Variants in ZNF654 observed in about 807,000 individuals in gnomAD.
ZNF654 encodes zinc finger protein 654.
A neutral mutation model predicts 95.3 loss-of-function variants in ZNF654; 19 were observed. The observed-to-expected ratio is 0.20, with a 90% confidence interval of 0.14 to 0.29. The LOEUF (loss-of-function observed/expected upper bound fraction) is 0.29. Among genes scored for constraint, ZNF654 ranks in the 10% least tolerant of loss-of-function variants. The pLI is 1.00. For missense variants in ZNF654, 1,046 were observed against 1,341.0 expected, an observed-to-expected ratio of 0.78 and a Z score of 3.44; for synonymous variants, 413 against 457.9, an observed-to-expected ratio of 0.90 and a Z score of 1.25.
chr3:88,093,733 TCTCTA>T (rs2107687059), intron 2 of ZNF654, among the ~76,000 whole-genome samples: 1 of 152,338 alleles, frequency 6.6e-6, no homozygotes, highest in East Asian at 1.9e-4. Flanking sequence ...CTAACTTCAG[TCTCTA>T]CTCTATAATC....
intron 2 of ZNF654, among the ~76,000 whole-genome samples, chr3:88,104,449 C>T (rs536435718): frequency 8.5e-5 from 13 of 152,216 alleles, no homozygotes; most frequent in East Asian, 7.7e-4. Context: ...TAATGGATAG[C>T]GTTGTGTTTC....
At chr3:88,125,996 G>T in intron 3 of ZNF654, 138 bp from the exon 4 acceptor site, 1 of 902,590 alleles carries the variant, frequency 1.1e-6, no homozygotes, top group South Asian at 2.6e-5. Context: ...ACCCTACTTA[G>T]GTTACAATAG....
chr3:88,095,770 T>G (rs547813622), intron 2 of ZNF654: 10 of 408,436 alleles, frequency 2.4e-5, no homozygotes, highest in Non-Finnish European at 3.7e-5. Flanking sequence ...ATCTTAAACT[T>G]TTTTGTAAAC....
In ZNF654 at chr3:88,059,404, G is replaced by A. The variant is rs1177565363; in HGVS notation, c.85G>A (p.Gly29Arg). ...AIVESPLGPV[G>R]LRAAGDGRGG... is the part of the protein sequence containing the mutation. ...TGTGGAGTCCCCGCTGGGCCCTGTG[G>A]GGCTTAGAGCTGCGGGCGACGGCAG... Residue 29 changes from glycine to arginine, a missense_variant, in exon 1 of 9, where the codon GGG becomes AGG. Gly to Arg is a moderately radical substitution (Grantham distance 125). Around this residue, in one of 9 missense-constraint regions of ZNF654, gnomAD observed 89 missense variants for 77.9 expected, o/e 1.14. Transcript: ENST00000636215. 3.9e-6 allele frequency: 6 copies of A among 1,534,436 alleles called. No homozygotes were observed. In the Admixed American group the frequency reaches 9.8e-5, roughly 25 times the overall value.
chr3:88,093,522 G>C (rs1403423526), intron 2 of ZNF654, among the ~76,000 whole-genome samples: 2 of 152,156 alleles, frequency 1.3e-5, no homozygotes, highest in African/African-American at 4.8e-5. Flanking sequence ...CACTGGCAAA[G>C]ACTAAATGGT....
intron 3 of ZNF654, among the ~76,000 whole-genome samples, chr3:88,117,955 A>C (rs973864330): frequency 2.0e-5 from 3 of 152,054 alleles, no homozygotes; most frequent in African/African-American, 4.8e-5. Context: ...TAAAAAAAAA[A>C]AACAACCAAG....
At chr3:88,061,821 C>G (rs1233654880) in intron 1 of ZNF654, among the ~76,000 whole-genome samples, 1 of 152,092 alleles carries the variant, frequency 6.6e-6, no homozygotes, top group African/African-American at 2.4e-5. Context: ...TAGTGAATGA[C>G]TTAATCGTGA....
intron 2 of ZNF654, 144 bp downstream of exon 2, chr3:88,086,546 G>T: frequency 6.7e-6 from 5 of 745,274 alleles, no homozygotes; most frequent in Non-Finnish European, 9.8e-6. Flanking sequence ...GAAGTATTCA[G>T]GTTTAATTTT....
chr3:88,125,027 A>G (rs1706007831), intron 3 of ZNF654, among the ~76,000 whole-genome samples: 1 of 152,104 alleles, frequency 6.6e-6, no homozygotes, highest in Admixed American at 6.6e-5. Flanking sequence ...TATCCTGGCT[A>G]ACACGGTGAA....
chr3:88,081,484 T>C (rs1342257501), intron 1 of ZNF654, among the ~76,000 whole-genome samples: 1 of 152,216 alleles, frequency 6.6e-6, no homozygotes, highest in African/African-American at 2.4e-5. Flanking sequence ...ATGGTGCTTC[T>C]CTGTTTGTCT....
intron 2 of ZNF654, among the ~76,000 whole-genome samples, chr3:88,106,222 G>C (rs945213556): frequency 6.6e-6 from 1 of 152,186 alleles, no homozygotes; most frequent in Non-Finnish European, 1.5e-5. Flanking sequence ...TGAGCTGTCT[G>C]ATGATATGTC....
At chr3:88,072,121 G>T (rs1462102180) in intron 1 of ZNF654, among the ~76,000 whole-genome samples, 1 of 152,116 alleles carries the variant, frequency 6.6e-6, no homozygotes, top group East Asian at 1.9e-4. Context: ...CTTCATTTTA[G>T]TGATTATAGG....
At chr3:88,070,382 T>G (rs1338491819) in intron 1 of ZNF654, among the ~76,000 whole-genome samples, 1 of 152,088 alleles carries the variant, frequency 6.6e-6, no homozygotes, top group African/African-American at 2.4e-5. Flanking sequence ...ACGTAATGAT[T>G]GAGGTAAAGT....
intron 2 of ZNF654, among the ~76,000 whole-genome samples, chr3:88,090,065 C>T (rs1467246881): frequency 6.6e-6 from 1 of 152,110 alleles, no homozygotes; most frequent in Non-Finnish European, 1.5e-5. Context: ...ACATATAATA[C>T]ATAATACTTG....
At chr3:88,094,386 G>A (rs1703932702) in intron 2 of ZNF654, among the ~76,000 whole-genome samples, 4 of 152,062 alleles carry the variant, frequency 2.6e-5, no homozygotes, top group African/African-American at 9.7e-5. Flanking sequence ...GACTATAGTT[G>A]TTTTATGAGC....
At position 88,129,827 on chromosome 3, in the gene ZNF654, G is replaced by C; in HGVS notation, c.893+1G>C. On this transcript the variant is annotated splice_donor_variant, in intron 6 of 8. Coordinates refer to ENST00000636215, the MANE Select transcript of ZNF654 (RefSeq NM_001350134.2). LOFTEE classifies it high-confidence loss of function. Reference sequence around the variant, plus strand: ...AGAATGGGGATATGTACTGTATCTGGTAAGTGTTTGTAAATAAAGAAATTG... The same window carrying C: ...AGAATGGGGATATGTACTGTATCTGCTAAGTGTTTGTAAATAAAGAAATTG... The C allele has an allele frequency of 7.0e-7, 1 of 1,422,820 alleles. No homozygotes were observed. Among genetic ancestry groups the C allele is most frequent in the Non-Finnish European group, 9.3e-7 (1 of 1,080,176 alleles). The allele number at this position is 1,422,820 out of a possible 1,614,324, so 88.1% of individuals were successfully genotyped here.
chr3:88,089,906 G>C (rs1458786585), intron 2 of ZNF654, among the ~76,000 whole-genome samples: 1 of 152,190 alleles, frequency 6.6e-6, no homozygotes, highest in African/African-American at 2.4e-5. Flanking sequence ...GGTACCATGA[G>C]ATTATAATGG....
chr3:88,077,426 G>A (rs1449237953), intron 1 of ZNF654, among the ~76,000 whole-genome samples: 3 of 151,050 alleles, frequency 2.0e-5, no homozygotes, highest in South Asian at 2.1e-4. Context: ...CTCCGCCGCC[G>A]GGTTCACTCC....
intron 2 of ZNF654, among the ~76,000 whole-genome samples, chr3:88,101,789 A>T (rs566240154): frequency 2.0e-5 from 3 of 152,298 alleles, no homozygotes; most frequent in Non-Finnish European, 4.4e-5. Context: ...CCAATTTCTT[A>T]TGGGGGTAGC....
Sources: gnomAD v4.1 joint callset for allele counts (sites outside exome capture counted in the v4.1 genomes callset) on GRCh38, gnomAD v4.1.1 for gene constraint, gnomAD v4.1.1 regional missense constraint, MANE v1.5 for transcripts, NCBI Gene and HGNC (gene_info 2026-07-23, HGNC 2026-07-21) for gene names.